Variants in CPA6 observed in about 807,000 individuals in gnomAD.
CPA6 encodes the protein carboxypeptidase A6, also known as carboxypeptidase B.
Under a neutral mutation model 63.3 loss-of-function variants are expected in CPA6, and 58 were observed. The ratio of observed to expected loss-of-function variants is 0.92; its 90% CI spans 0.74 to 1.14. CPA6 has a LOEUF of 1.14. Ranked by LOEUF, CPA6 falls within the 50% of genes most tolerant of loss-of-function variation. The pLI is 0.00. For missense variants in CPA6, 565 were observed against 526.6 expected (o/e 1.07, Z -0.71); for synonymous variants, 185 against 179.0 (o/e 1.03, Z -0.27).
chr8:67,706,648 C>G (rs374252793), intron 1 of CPA6, among the ~76,000 whole-genome samples: 1 of 152,004 alleles, frequency 6.6e-6, no homozygotes, highest in African/African-American at 2.4e-5. Flanking sequence ...AGGATTATTA[C>G]TAAGTATACC....
At chr8:67,488,608 A>G (rs1159197316) in intron 6 of CPA6, among the ~76,000 whole-genome samples, 1 of 152,194 alleles carries the variant, frequency 6.6e-6, no homozygotes, top group Non-Finnish European at 1.5e-5. Flanking sequence ...TGGTAGCTTG[A>G]TGGGGATGGC....
At chr8:67,664,517 C>T (rs1816185789) in intron 1 of CPA6, among the ~76,000 whole-genome samples, 1 of 152,148 alleles carries the variant, frequency 6.6e-6, no homozygotes, top group Non-Finnish European at 1.5e-5. Context: ...GCACCTGCTG[C>T]CTTCTCCCAC....
At chr8:67,447,089 CACACATATATAT>C (rs1349878154) in intron 8 of CPA6, among the ~76,000 whole-genome samples, 17 of 150,880 alleles carry the variant, frequency 1.1e-4, no homozygotes, top group Non-Finnish European at 2.5e-4. Flanking sequence ...CATATATATA[CACACATATATAT>C]ACACATATAT....
At chr8:67,580,176 G>A (rs1167247261) in intron 2 of CPA6, among the ~76,000 whole-genome samples, 1 of 152,154 alleles carries the variant, frequency 6.6e-6, no homozygotes, top group Non-Finnish European at 1.5e-5. Flanking sequence ...CCACCATATG[G>A]CCACCTACCC....
intron 2 of CPA6, among the ~76,000 whole-genome samples, chr8:67,602,049 G>T (rs1358358368): frequency 6.6e-6 from 1 of 152,126 alleles, no homozygotes; most frequent in African/African-American, 2.4e-5. Flanking sequence ...AAGCTTTTTA[G>T]ATTTTGTTAT....
chr8:67,682,206 A>G (rs1426222001), intron 1 of CPA6, among the ~76,000 whole-genome samples: 1 of 151,536 alleles, frequency 6.6e-6, no homozygotes, highest in East Asian at 1.9e-4. Flanking sequence ...GTTTCTGGCC[A>G]TTACCTAATT....
intron 1 of CPA6, among the ~76,000 whole-genome samples, chr8:67,662,145 G>A (rs1816123782): frequency 6.6e-6 from 1 of 152,126 alleles, no homozygotes; most frequent in African/African-American, 2.4e-5. Flanking sequence ...CATTCAGGAT[G>A]GATGGCATTG....
At chr8:67,726,112 A>G (rs1441938079) in intron 1 of CPA6, among the ~76,000 whole-genome samples, 2 of 152,220 alleles carry the variant, frequency 1.3e-5, no homozygotes, top group Non-Finnish European at 2.9e-5. Flanking sequence ...ACAGAGGCCA[A>G]GAAAAATGAT....
At chr8:67,522,643 T>C (rs938818515) in intron 2 of CPA6, among the ~76,000 whole-genome samples, 1 of 152,218 alleles carries the variant, frequency 6.6e-6, no homozygotes, top group Admixed American at 6.5e-5. Flanking sequence ...GTAACACTTC[T>C]TGGGGGCTCA....
chr8:67,424,086 A>G (rs1161279177), intron 10 of CPA6, among the ~76,000 whole-genome samples: 1 of 152,162 alleles, frequency 6.6e-6, no homozygotes, highest in Non-Finnish European at 1.5e-5. Context: ...TAGGTTGTGC[A>G]TTCCTTCTAA....
At chr8:67,644,978 C>T (rs1049248692) in intron 1 of CPA6, among the ~76,000 whole-genome samples, 6 of 152,182 alleles carry the variant, frequency 3.9e-5, no homozygotes, top group African/African-American at 9.6e-5. Flanking sequence ...TCTACTTCTA[C>T]GATCCTACCC....
At chr8:67,428,714 GC>G (rs968721149) in intron 9 of CPA6, among the ~76,000 whole-genome samples, 1 of 152,040 alleles carries the variant, frequency 6.6e-6, no homozygotes, top group African/African-American at 2.4e-5. Context: ...CGATCTCCTG[GC>G]CTTGTGATCG....
At chr8:67,453,767 A>G (rs954066511) in intron 8 of CPA6, among the ~76,000 whole-genome samples, 6 of 152,202 alleles carry the variant, frequency 3.9e-5, no homozygotes, top group African/African-American at 1.4e-4. Flanking sequence ...ATTTGTCAAA[A>G]ACTTAGTATC....
intron 1 of CPA6, among the ~76,000 whole-genome samples, chr8:67,742,306 C>T (rs1817928385): frequency 6.6e-6 from 1 of 152,060 alleles, no homozygotes; most frequent in Non-Finnish European, 1.5e-5. Flanking sequence ...AATCTCTTTT[C>T]CTTTATTGTT....
chr8:67,492,615 A>T (rs943675832), intron 6 of CPA6, among the ~76,000 whole-genome samples: 7 of 152,308 alleles, frequency 4.6e-5, no homozygotes, highest in African/African-American at 1.7e-4. Flanking sequence ...TTTTAATATT[A>T]TGACAAAAGC....
intron 3 of CPA6, among the ~76,000 whole-genome samples, chr8:67,516,391 T>C (rs1289207649): frequency 6.6e-6 from 1 of 152,236 alleles, no homozygotes; most frequent in African/African-American, 2.4e-5. Context: ...ACATTCTCTC[T>C]GGCATCATCG....
chr8:67,430,765 C>G (rs191029660), intron 9 of CPA6, among the ~76,000 whole-genome samples: 3 of 152,284 alleles, frequency 2.0e-5, no homozygotes, highest in East Asian at 1.9e-4. Flanking sequence ...TGGCCTATAC[C>G]TGCTAGATGC....
chr8:67,560,858 C>G (rs1408917010), intron 2 of CPA6, among the ~76,000 whole-genome samples: 1 of 152,136 alleles, frequency 6.6e-6, no homozygotes, highest in Non-Finnish European at 1.5e-5. Context: ...ATCCCTATTT[C>G]TGTTTATGTG....
intron 2 of CPA6, among the ~76,000 whole-genome samples, chr8:67,526,038 C>T (rs534110384): frequency 1.1e-4 from 17 of 152,286 alleles, no homozygotes; most frequent in Admixed American, 8.5e-4. Flanking sequence ...TTCCCCCTCG[C>T]CTCGCTCATT....
Sources: gnomAD v4.1 joint callset for allele counts (sites outside exome capture counted in the v4.1 genomes callset) on GRCh38, gnomAD v4.1.1 for gene constraint, MANE v1.5 for transcripts, NCBI Gene and HGNC (gene_info 2026-07-23, HGNC 2026-07-21) for gene names.